Variants in SLC24A2 observed in about 807,000 individuals in gnomAD.
SLC24A2 encodes sodium/potassium/calcium exchanger 2.
SLC24A2 carries 36 observed loss-of-function variants against 62.0 expected under a neutral mutation model. That is an observed-to-expected ratio of 0.58 (90% CI 0.44 to 0.77). The LOEUF (loss-of-function observed/expected upper bound fraction) is 0.77, where lower values mean the gene tolerates loss of function less well. Among genes scored for constraint, SLC24A2 ranks in the 30% least tolerant of loss-of-function variants. The probability of loss-of-function intolerance (pLI) is 0.00; values close to 1 mark genes in which losing one functional copy is unlikely to be tolerated. For missense variants in SLC24A2, 846 were observed against 817.9 expected (o/e 1.03, Z -0.42); for synonymous variants, 358 against 294.0 (o/e 1.22, Z -2.23).
chr9:20,216,781 A>G, the SLC24A2 span, among the ~76,000 whole-genome samples: 2 of 152,202 alleles, frequency 1.3e-5, no homozygotes, highest in Non-Finnish European at 2.9e-5. Flanking sequence ...TTTGTTGTAA[A>G]AAATATTTCT....
At chr9:20,062,377 A>T in the SLC24A2 span, among the ~76,000 whole-genome samples, 1 of 124,818 alleles carries the variant, frequency 8.0e-6, no homozygotes, top group African/African-American at 3.4e-5. Flanking sequence ...ACCTGAGAAA[A>T]ACAAGCAATG....
At chr9:19,524,418 CAAAAA>C (rs34416897) in intron 9 of SLC24A2, among the ~76,000 whole-genome samples, 3 of 119,056 alleles carry the variant, frequency 2.5e-5, no homozygotes, top group African/African-American at 6.2e-5. Flanking sequence ...AAGATAAAGG[CAAAAA>C]AAAAAAAAAA....
At chr9:19,907,260 T>C in the SLC24A2 span, among the ~76,000 whole-genome samples, 1 of 152,170 alleles carries the variant, frequency 6.6e-6, no homozygotes, top group Non-Finnish European at 1.5e-5. Flanking sequence ...GAAAAGGCCT[T>C]TGACAAAATT....
chr9:19,993,825 A>T, the SLC24A2 span, among the ~76,000 whole-genome samples: 1 of 152,214 alleles, frequency 6.6e-6, no homozygotes. Flanking sequence ...CTAGTAACAG[A>T]GCCTTGAACT....
the SLC24A2 span, among the ~76,000 whole-genome samples, chr9:19,820,030 TATATATATATACATATATATATATACAC>T: frequency 2.5e-3 from 66 of 26,564 alleles, 1 homozygote; most frequent in African/African-American, 3.9e-3. Context: ...TATATACACA[TATATATATATACATATATATATATACAC>T]ATATATATAT....
chr9:19,641,445 G>T (rs943333634), intron 2 of SLC24A2, among the ~76,000 whole-genome samples: 1 of 152,066 alleles, frequency 6.6e-6, no homozygotes, highest in Non-Finnish European at 1.5e-5. Context: ...GTGCTGTTTG[G>T]ATTAGTTCAA....
intron 7 of SLC24A2, among the ~76,000 whole-genome samples, chr9:19,560,899 A>G (rs10964205): frequency 0.63 from 75,496 of 119,632 alleles, 20,140 homozygotes; most frequent in Non-Finnish European, 0.64. Flanking sequence ...GTGTGTGTGT[A>G]TATATATATA....
At chr9:19,704,962 T>C (rs919215872) in intron 2 of SLC24A2, among the ~76,000 whole-genome samples, 18 of 152,210 alleles carry the variant, frequency 1.2e-4, no homozygotes, top group African/African-American at 4.3e-4. Flanking sequence ...ATTCCAGCAA[T>C]GTCACTTAGA....
chr9:20,259,064 G>A, the SLC24A2 span, among the ~76,000 whole-genome samples: 1 of 152,156 alleles, frequency 6.6e-6, no homozygotes, highest in Non-Finnish European at 1.5e-5. Flanking sequence ...GGGAAGAATA[G>A]TAAGAGAGAT....
chr9:20,018,192 C>T, the SLC24A2 span, among the ~76,000 whole-genome samples: 1,187 of 152,270 alleles, frequency 7.8e-3, 36 homozygotes, highest in Admixed American at 0.054. Context: ...TGTGATCTGC[C>T]GGTCTCGGCC....
the SLC24A2 span, among the ~76,000 whole-genome samples, chr9:20,127,799 A>G: frequency 6.6e-6 from 1 of 152,184 alleles, no homozygotes; most frequent in Non-Finnish European, 1.5e-5. Flanking sequence ...GACCAATGTC[A>G]GGCAGTAGGC....
chr9:19,719,133 T>C (rs1463910049), intron 2 of SLC24A2, among the ~76,000 whole-genome samples: 2 of 152,186 alleles, frequency 1.3e-5, no homozygotes. Context: ...TAAGACTTTA[T>C]TGCTTGAAGA....
the SLC24A2 span, among the ~76,000 whole-genome samples, chr9:19,896,738 C>A: frequency 6.6e-6 from 1 of 152,190 alleles, no homozygotes. Flanking sequence ...TGTCCATCTT[C>A]TTAACTGGAT....
chr9:19,712,803 T>A (rs1156617776), intron 2 of SLC24A2, among the ~76,000 whole-genome samples: 2 of 152,204 alleles, frequency 1.3e-5, no homozygotes, highest in Admixed American at 6.5e-5. Context: ...TGGATAATTC[T>A]TTGCTACAGG....
chr9:20,117,213 G>T, the SLC24A2 span, among the ~76,000 whole-genome samples: 1 of 152,122 alleles, frequency 6.6e-6, no homozygotes, highest in Non-Finnish European at 1.5e-5. Flanking sequence ...CAGAAGGAAG[G>T]TATATGACTT....
intron 2 of SLC24A2, among the ~76,000 whole-genome samples, chr9:19,681,720 T>C (rs750995399): frequency 6.6e-6 from 1 of 152,090 alleles, no homozygotes; most frequent in Non-Finnish European, 1.5e-5. Flanking sequence ...AATAAAGCAG[T>C]GGGCAATAAT....
chr9:19,779,875 T>C (rs1341373014), intron 2 of SLC24A2, among the ~76,000 whole-genome samples: 3 of 148,718 alleles, frequency 2.0e-5, no homozygotes, highest in Middle Eastern at 3.4e-3. Flanking sequence ...CTGGCTAACA[T>C]GGTGAAACCC....
the SLC24A2 span, among the ~76,000 whole-genome samples, chr9:19,894,650 C>T: frequency 6.6e-6 from 1 of 152,060 alleles, no homozygotes; most frequent in Admixed American, 6.5e-5. Flanking sequence ...CCTACTTTCT[C>T]AGCATATCCT....
the SLC24A2 span, among the ~76,000 whole-genome samples, chr9:19,969,796 C>T: frequency 4.6e-5 from 7 of 152,190 alleles, no homozygotes; most frequent in African/African-American, 1.7e-4. Context: ...AAAATACTAA[C>T]TCAAGGCTTT....
Sources: gnomAD v4.1 joint callset for allele counts (sites outside exome capture counted in the v4.1 genomes callset) on GRCh38, gnomAD v4.1.1 for gene constraint, MANE v1.5 for transcripts, NCBI Gene and HGNC (gene_info 2026-07-23, HGNC 2026-07-21) for gene names.